Variants in NEIL2 observed in about 807,000 individuals in gnomAD.
The protein encoded by NEIL2 is nei like DNA glycosylase 2.
Under a neutral mutation model 22.2 loss-of-function variants are expected in NEIL2, and 23 were observed. That is an observed-to-expected ratio of 1.04 (90% CI 0.75 to 1.47). The LOEUF (loss-of-function observed/expected upper bound fraction) is 1.47, where lower values mean the gene tolerates loss of function less well. NEIL2 is among the 40% of genes most tolerant of loss of function. The probability of loss-of-function intolerance (pLI) is 0.00; values close to 1 mark genes in which losing one functional copy is unlikely to be tolerated. For missense variants in NEIL2, 583 were observed against 404.7 expected (o/e 1.44, Z -3.78); for synonymous variants, 229 against 164.8 (o/e 1.39, Z -2.99).
Position 11,783,419 on chromosome 8 carries a change from G to A in NEIL2, c.688+20G>A, listed in dbSNP as rs1804623122. On this transcript the variant is annotated intron_variant, in intron 4 of 4. Transcript: ENST00000284503. ...GGCTAGGTATGACTCATGGGAAAGG[G>A]GTGAGTCCACAGAGTTGCTTCATGG... 1 of 1,605,654 alleles carries A rather than the reference G, an allele frequency of 6.2e-7. No individual in the cohort carries two copies. The highest frequency in any genetic ancestry group is 8.5e-7 in the Non-Finnish European group (1 of 1,172,426).
In NEIL2 at chr8:11,786,010, C is replaced by A; in HGVS notation, c.736C>A (p.Leu246Ile). The change falls in exon 5 of 5, where the codon CTT becomes ATT. Residue 246 changes from leucine (L) to isoleucine (I), a missense_variant. Coordinates refer to ENST00000284503, the MANE Select transcript of NEIL2 (RefSeq NM_145043.4). ...EALYRAGIHPLSLGSVLSASR... is the reference protein window; with the variant it reads ...EALYRAGIHPISLGSVLSASR... ...CTTGTACAGAGCTGGGATCCATCCC[C>A]TTTCTCTCGGTTCAGTCCTGAGTGC... The A allele has an allele frequency of 6.2e-7, 1 of 1,614,174 alleles. No individual in the cohort carries two copies. The highest frequency in any genetic ancestry group is 8.5e-7 in the Non-Finnish European group (1 of 1,180,020).
chr8:11,783,169 C>T (rs1190143958), intron 3 of NEIL2, 34 bp from the exon 4 acceptor site: 23 of 1,595,406 alleles, frequency 1.4e-5, no homozygotes, highest in Middle Eastern at 1.7e-4. Context: ...ACTGTGGTAA[C>T]GATGTGTACA....
intron 4 of NEIL2, among the ~76,000 whole-genome samples, chr8:11,785,629 C>T (rs1216334554): frequency 2.6e-5 from 4 of 152,198 alleles, no homozygotes; most frequent in African/African-American, 9.6e-5. Context: ...AAGGAAACTG[C>T]AGCTAATTGA....
At chr8:11,783,101 A>G in intron 3 of NEIL2, 102 bp from the exon 4 acceptor site, 2 of 934,502 alleles carry the variant, frequency 2.1e-6, no homozygotes, top group Non-Finnish European at 3.6e-6. Flanking sequence ...TGTTGTGGTA[A>G]CGATGTGGGG....
At chr8:11,770,991 C>A (rs1803386688) in intron 1 of NEIL2, among the ~76,000 whole-genome samples, 1 of 152,162 alleles carries the variant, frequency 6.6e-6, no homozygotes, top group South Asian at 2.1e-4. Context: ...CATCTGGTCC[C>A]TTCAAAAGTG....
At chr8:11,771,236 T>C (rs932967344) in intron 1 of NEIL2, among the ~76,000 whole-genome samples, 2 of 152,178 alleles carry the variant, frequency 1.3e-5, no homozygotes, top group Admixed American at 1.3e-4. Flanking sequence ...TAAGAGGGGC[T>C]GCCTTTCCTG....
chr8:11,784,613 C>G (rs1460480015), intron 4 of NEIL2, among the ~76,000 whole-genome samples: 1 of 152,162 alleles, frequency 6.6e-6, no homozygotes, highest in Middle Eastern at 3.2e-3. Flanking sequence ...AGCTCTGTCA[C>G]GCTCACCACC....
At chr8:11,773,982 G>T (rs1319642603) in intron 2 of NEIL2, among the ~76,000 whole-genome samples, 1 of 152,176 alleles carries the variant, frequency 6.6e-6, no homozygotes, top group Admixed American at 6.5e-5. Flanking sequence ...GTTCTGCATG[G>T]CTGGGGAGGC....
intron 2 of NEIL2, among the ~76,000 whole-genome samples, chr8:11,776,253 A>T (rs887364616): frequency 6.6e-6 from 1 of 152,242 alleles, no homozygotes; most frequent in African/African-American, 2.4e-5. Context: ...TTATAAAACC[A>T]TCAGATCTTG....
chr8:11,771,598 T>G lies in NEIL2; in HGVS notation c.138+13T>G. The G allele has an allele frequency of 1.9e-6, 3 of 1,610,528 alleles. No homozygotes were observed. Among genetic ancestry groups the G allele is most frequent in the Non-Finnish European group, 2.5e-6 (3 of 1,177,540 alleles). On this transcript the variant is annotated intron_variant, in intron 2 of 4. Transcript: ENST00000284503. ...CCAGGACACCCAGGTGAGGTAATAC[T>G]CCTCTGAAGGGTTGGCTCTGTCGCC...
chr8:11,772,736 G>C (rs1044623885), intron 2 of NEIL2, among the ~76,000 whole-genome samples: 1 of 152,186 alleles, frequency 6.6e-6, no homozygotes, highest in Non-Finnish European at 1.5e-5. Flanking sequence ...ATGAGCTCAC[G>C]CGCTCTGCTG....
At chr8:11,771,729 C>T in intron 2 of NEIL2, 144 bp downstream of exon 2, 1 of 792,788 alleles carries the variant, frequency 1.3e-6, no homozygotes, top group Non-Finnish European at 2.0e-6. Flanking sequence ...CTTTCAGTCT[C>T]ACGTGTCTCA....
chr8:11,782,604 A>T (rs1338123027), intron 3 of NEIL2: 1 of 175,152 alleles, frequency 5.7e-6, no homozygotes, highest in African/African-American at 2.4e-5. Flanking sequence ...AATTTATTGA[A>T]TGCTGTACTG....
intron 2 of NEIL2, among the ~76,000 whole-genome samples, chr8:11,778,462 A>G (rs1029368828): frequency 6.6e-6 from 1 of 152,160 alleles, no homozygotes; most frequent in Non-Finnish European, 1.5e-5. Context: ...CAAGTTAAAG[A>G]TCATACCAGA....
intron 2 of NEIL2, among the ~76,000 whole-genome samples, chr8:11,775,628 G>A (rs564976204): frequency 1.3e-5 from 2 of 152,150 alleles, no homozygotes; most frequent in Non-Finnish European, 2.9e-5. Flanking sequence ...GCATCATCAG[G>A]CTGCAAATTT....
At position 11,783,283 on chromosome 8, in the gene NEIL2, C is replaced by A; in HGVS notation, c.572C>A (p.Thr191Lys). The A allele has an allele frequency of 6.2e-7, 1 of 1,614,222 alleles. No homozygotes were observed. The change falls in exon 4 of 5, where the codon ACA becomes AAA. Residue 191 changes from threonine (T) to lysine (K), a missense_variant. Transcript: ENST00000284503. ...QLSWSSSPVV[T>K]PTCDILSEKF... ...TCTTGGAGCTCTTCCCCAGTGGTCA[C>A]ACCCACCTGTGACATCCTGTCTGAG...
intron 2 of NEIL2, among the ~76,000 whole-genome samples, chr8:11,775,779 C>A (rs192354654): frequency 1.6e-4 from 24 of 152,306 alleles, no homozygotes. Context: ...TCTCTTAGCA[C>A]AGCAAGAATC....
At chr8:11,784,342 G>C (rs1804709336) in intron 4 of NEIL2, among the ~76,000 whole-genome samples, 1 of 152,220 alleles carries the variant, frequency 6.6e-6, no homozygotes, top group South Asian at 2.1e-4. Context: ...TTTCCAAGCA[G>C]CTCTGATGTG....
intron 2 of NEIL2, among the ~76,000 whole-genome samples, chr8:11,774,772 A>G (rs969691316): frequency 2.0e-5 from 3 of 152,250 alleles, no homozygotes; most frequent in Non-Finnish European, 4.4e-5. Flanking sequence ...AAATTGGCCA[A>G]AACGAAGGGG....
Sources: gnomAD v4.1 joint callset for allele counts (sites outside exome capture counted in the v4.1 genomes callset) on GRCh38, gnomAD v4.1.1 for gene constraint, MANE v1.5 for transcripts, NCBI Gene and HGNC (gene_info 2026-07-23, HGNC 2026-07-21) for gene names.